The following HS6ST3 variants were observed in gnomAD, a reference collection of about 807,000 sequenced individuals.
HS6ST3 encodes heparan-sulfate 6-O-sulfotransferase 3.
HS6ST3 carries 12 observed loss-of-function variants against 36.7 expected under a neutral mutation model. The observed-to-expected ratio is 0.33, with a 90% CI of 0.21 to 0.53. The LOEUF is 0.53. Among genes scored for constraint, HS6ST3 ranks in the 20% least tolerant of loss-of-function variants. The pLI is 0.95. For missense variants in HS6ST3, 584 were observed against 640.9 expected (o/e 0.91, Z 0.96); for synonymous variants, 240 against 257.5 (o/e 0.93, Z 0.65).
intron 1 of HS6ST3, among the ~76,000 whole-genome samples, chr13:96,567,942 C>G (rs1431636465): frequency 3.9e-5 from 6 of 152,138 alleles, no homozygotes; most frequent in Non-Finnish European, 8.8e-5. Context: ...TTCTCACCCA[C>G]CAGATTGGTG....
chr13:96,799,964 G>GTGTATATATATATATATGTATATATATA (rs1288332409), intron 1 of HS6ST3, among the ~76,000 whole-genome samples: 1 of 55,314 alleles, frequency 1.8e-5, no homozygotes, highest in Non-Finnish European at 3.2e-5. Flanking sequence ...ATATATATAT[G>GTGTATATATATATATATGTATATATATA]TGTATATATA....
intron 1 of HS6ST3, among the ~76,000 whole-genome samples, chr13:96,646,835 C>T (rs145599987): frequency 1.3e-5 from 2 of 151,994 alleles, no homozygotes; most frequent in Admixed American, 6.6e-5. Flanking sequence ...GATTTTCGAT[C>T]GGGGAAAAAT....
chr13:96,415,983 G>A (rs371693921), intron 1 of HS6ST3, among the ~76,000 whole-genome samples: 7 of 152,092 alleles, frequency 4.6e-5, no homozygotes, highest in Non-Finnish European at 1.0e-4. Context: ...GTTTTTCATC[G>A]GTGGCAGTCA....
intron 1 of HS6ST3, among the ~76,000 whole-genome samples, chr13:96,830,264 G>A (rs76553207): frequency 3.7e-3 from 559 of 152,288 alleles, no homozygotes; most frequent in African/African-American, 0.013. Context: ...TCGAATTACA[G>A]TGGGTTTATT....
chr13:96,227,772 A>G (rs2054487981), intron 1 of HS6ST3, among the ~76,000 whole-genome samples: 1 of 152,176 alleles, frequency 6.6e-6, no homozygotes, highest in South Asian at 2.1e-4. Flanking sequence ...GTCCAGGTAG[A>G]GAATGTGCAG....
intron 1 of HS6ST3, among the ~76,000 whole-genome samples, chr13:96,629,561 A>G (rs1566415483): frequency 6.6e-6 from 1 of 152,194 alleles, no homozygotes; most frequent in African/African-American, 2.4e-5. Context: ...TGCATTGCAC[A>G]CTGCCTTCTG....
At chr13:96,799,980 A>ATATGTATATATATATATGTG (rs1555325253) in intron 1 of HS6ST3, among the ~76,000 whole-genome samples, 51 of 76,618 alleles carry the variant, frequency 6.7e-4, no homozygotes, top group Middle Eastern at 7.4e-3. Flanking sequence ...ATATATATAT[A>ATATGTATATATATATATGTG]TGTATATATA....
chr13:96,388,340 C>T (rs936528358), intron 1 of HS6ST3, among the ~76,000 whole-genome samples: 2 of 152,152 alleles, frequency 1.3e-5, no homozygotes, highest in Admixed American at 6.5e-5. Flanking sequence ...TGTATAGTTT[C>T]TGAAGGATTG....
At chr13:96,676,763 G>C (rs2056700181) in intron 1 of HS6ST3, among the ~76,000 whole-genome samples, 1 of 152,130 alleles carries the variant, frequency 6.6e-6, no homozygotes, top group Non-Finnish European at 1.5e-5. Context: ...GTCTTATGAA[G>C]TCAAGATAAA....
Position 96,799,934 on chromosome 13 carries a change from A to G in HS6ST3, c.708-32556A>G, listed in dbSNP as rs565219934. 1.1e-3 allele frequency among the ~76,000 whole-genome samples: 136 copies of G among 123,792 alleles called. 1 individual carries two copies. Among genetic ancestry groups the G allele is most frequent in the Admixed American group, 2.4e-3 (28 of 11,844 alleles). The allele number at this position is 123,792 out of a possible 152,430, so 81.2% of individuals were successfully genotyped here. On this transcript the variant is annotated intron_variant, in intron 1 of 1. Transcript: ENST00000376705. ...CAAAGTGGTATCCTTTTGAATACAT[A>G]TATGTGTGTGTATATATATATATAT...
chr13:96,665,708 G>A (rs951066558), intron 1 of HS6ST3, among the ~76,000 whole-genome samples: 1 of 152,076 alleles, frequency 6.6e-6, no homozygotes, highest in Non-Finnish European at 1.5e-5. Flanking sequence ...CTGGCTTTGT[G>A]GCATGGTGTG....
chr13:96,695,598 G>GTT (rs1215273009), intron 1 of HS6ST3, among the ~76,000 whole-genome samples: 12 of 104,656 alleles, frequency 1.1e-4, no homozygotes, highest in African/African-American at 3.0e-4. Context: ...ACCCTCAGCT[G>GTT]TTTTTTTTTT....
At chr13:96,364,479 A>G (rs1294403427) in intron 1 of HS6ST3, among the ~76,000 whole-genome samples, 2 of 152,212 alleles carry the variant, frequency 1.3e-5, no homozygotes, top group Non-Finnish European at 2.9e-5. Flanking sequence ...CCTTGAAAAC[A>G]CTATGCTAAG....
intron 1 of HS6ST3, among the ~76,000 whole-genome samples, chr13:96,273,925 T>TCCC (rs2054733739): frequency 1.9e-5 from 2 of 103,414 alleles, no homozygotes; most frequent in African/African-American, 3.8e-5. Context: ...TCCTTCCTTC[T>TCCC]TCCCTCCCTC....
Position 96,673,644 on chromosome 13 carries a change from A to C in HS6ST3, c.708-158846A>C, listed in dbSNP as rs376084234. ...GTTGTCGTTTTTCCTGGGTTCTCCT[A>C]GGTGGATTCCCTAATTCACTTAAAT... is the stretch of plus-strand genomic sequence containing the variant. On this transcript the variant is annotated intron_variant, in intron 1 of 1. Transcript: ENST00000376705. Among the ~76,000 whole-genome samples the C allele has an allele frequency of 5.0e-4, 76 of 152,202 alleles. 1 individual carries two copies. In the South Asian group the frequency reaches 0.015, roughly 30 times the overall value.
Position 96,363,103 on chromosome 13 carries a change from C to T in HS6ST3, c.707+271534C>T, listed in dbSNP as rs568313819. 3.9e-5 allele frequency among the ~76,000 whole-genome samples: 6 copies of T among 152,214 alleles called. 1 individual carries two copies. In the South Asian group the frequency reaches 1.2e-3, roughly 32 times the overall value. On this transcript the variant is annotated intron_variant, in intron 1 of 1. Transcript: ENST00000376705. ...GGGGTGGCAGTTACACAAACCTATA[C>T]ATGTGATCGAATTGCATAGGACTGC...
chr13:96,544,803 C>T (rs1889860), intron 1 of HS6ST3, among the ~76,000 whole-genome samples: 122,968 of 152,038 alleles, frequency 0.81, 50,925 homozygotes, highest in Non-Finnish European at 0.9. Flanking sequence ...TAAATTACTA[C>T]GGCCTGGAAG....
intron 1 of HS6ST3, among the ~76,000 whole-genome samples, chr13:96,603,851 T>G (rs2056429760): frequency 6.6e-6 from 1 of 152,196 alleles, no homozygotes; most frequent in Admixed American, 6.5e-5. Context: ...CTTTATTTTG[T>G]GAAATTTTAC....
chr13:96,358,869 AATC>A (rs1291765825), intron 1 of HS6ST3, among the ~76,000 whole-genome samples: 41 of 147,628 alleles, frequency 2.8e-4, no homozygotes, highest in Middle Eastern at 3.5e-3. Context: ...GTATATATAT[AATC>A]TATCTATCTA....
Sources: allele counts gnomAD v4.1 joint callset (sites outside exome capture counted in the v4.1 genomes callset), GRCh38; gene constraint gnomAD v4.1.1; transcripts MANE v1.5; gene names NCBI Gene and HGNC (gene_info 2026-07-23, HGNC 2026-07-21).